SCHIP1: variants seen among roughly 807,000 people sequenced by gnomAD.
SCHIP1 encodes the protein schwannomin interacting protein 1, also known as schwannomin-interacting protein 1.
In SCHIP1, 8 loss-of-function variants were observed where a neutral mutation model predicts 29.7. The ratio of observed to expected loss-of-function variants is 0.27; its 90% CI spans 0.16 to 0.49. SCHIP1 has a LOEUF of 0.49. Among genes scored for constraint, SCHIP1 ranks in the 20% least tolerant of loss-of-function variants. The pLI, the probability that SCHIP1 is intolerant of heterozygous loss-of-function variation, is 0.99. For synonymous variants in SCHIP1, 76 were observed against 94.9 expected (o/e 0.80, Z 1.16); for missense variants, 193 against 294.6 (o/e 0.66, Z 2.52).
chr3:159,512,341 A>C, the SCHIP1 span, among the ~76,000 whole-genome samples: 1 of 152,208 alleles, frequency 6.6e-6, no homozygotes, highest in Non-Finnish European at 1.5e-5. Flanking sequence ...GAATTGCTAT[A>C]GGTAATATAA....
the SCHIP1 span, among the ~76,000 whole-genome samples, chr3:159,726,250 G>A: frequency 3.3e-5 from 5 of 152,288 alleles, no homozygotes; most frequent in Non-Finnish European, 7.4e-5. Context: ...TCAACTGTTA[G>A]TAGGACGGCT....
the SCHIP1 span, chr3:159,722,118 G>A: frequency 3.4e-6 from 1 of 298,252 alleles, no homozygotes; most frequent in South Asian, 3.8e-5. Flanking sequence ...TTTTATCTTT[G>A]TCCCTTTTGT....
At chr3:159,321,364 C>T in the SCHIP1 span, among the ~76,000 whole-genome samples, 1 of 152,182 alleles carries the variant, frequency 6.6e-6, no homozygotes, top group South Asian at 2.1e-4. Flanking sequence ...AAAATCTCTG[C>T]ATTTCAGCTG....
the SCHIP1 span, among the ~76,000 whole-genome samples, chr3:159,650,618 G>C: frequency 6.6e-6 from 1 of 152,126 alleles, no homozygotes; most frequent in African/African-American, 2.4e-5. Flanking sequence ...AAAGTGCAAA[G>C]TGCTAGTGCA....
intron 1 of SCHIP1, among the ~76,000 whole-genome samples, chr3:159,858,528 A>G (rs1258933866): frequency 6.6e-6 from 1 of 152,204 alleles, no homozygotes; most frequent in Admixed American, 6.5e-5. Flanking sequence ...GCTTCTGTTT[A>G]TGTCACTTCC....
chr3:159,297,593 T>C, the SCHIP1 span, among the ~76,000 whole-genome samples: 1 of 152,030 alleles, frequency 6.6e-6, no homozygotes, highest in Non-Finnish European at 1.5e-5. Flanking sequence ...GCAATGATGA[T>C]GGTAAAATGT....
At chr3:159,668,998 CT>C in the SCHIP1 span, among the ~76,000 whole-genome samples, 1 of 152,142 alleles carries the variant, frequency 6.6e-6, no homozygotes, top group East Asian at 1.9e-4. Flanking sequence ...CCCTTTTCCC[CT>C]AGTGCTCCCA....
the SCHIP1 span, among the ~76,000 whole-genome samples, chr3:159,539,879 AGAAAT>A: frequency 6.6e-6 from 1 of 151,702 alleles, no homozygotes; most frequent in African/African-American, 2.4e-5. Flanking sequence ...TGGACACTAA[AGAAAT>A]AAAGAGATGA....
chr3:159,373,296 C>T, the SCHIP1 span, among the ~76,000 whole-genome samples: 1 of 150,810 alleles, frequency 6.6e-6, no homozygotes. Context: ...ACAGTTAATA[C>T]CAATTATACT....
chr3:159,691,708 A>G, the SCHIP1 span, among the ~76,000 whole-genome samples: 2 of 151,978 alleles, frequency 1.3e-5, no homozygotes, highest in Non-Finnish European at 2.9e-5. Flanking sequence ...TGGTCTTTAC[A>G]TTTTGGTTTG....
At chr3:159,750,296 T>TATACATATACAC in the SCHIP1 span, among the ~76,000 whole-genome samples, 4 of 132,744 alleles carry the variant, frequency 3.0e-5, no homozygotes, top group African/African-American at 1.2e-4. Context: ...TATATATATA[T>TATACATATACAC]ACACACACAC....
At chr3:159,294,791 A>T in the SCHIP1 span, among the ~76,000 whole-genome samples, 1 of 152,154 alleles carries the variant, frequency 6.6e-6, no homozygotes, top group South Asian at 2.1e-4. Context: ...TTAGAGTCTT[A>T]AACTACATTG....
At chr3:159,680,346 TA>T in the SCHIP1 span, among the ~76,000 whole-genome samples, 2 of 149,986 alleles carry the variant, frequency 1.3e-5, no homozygotes, top group Non-Finnish European at 2.9e-5. Flanking sequence ...TCGTCTCTAC[TA>T]AAAATACAAA....
chr3:159,373,674 T>C, the SCHIP1 span, among the ~76,000 whole-genome samples: 1,221 of 152,260 alleles, frequency 8.0e-3, 17 homozygotes, highest in African/African-American at 0.028. Flanking sequence ...TTTGTCTTTC[T>C]GTGGCTTATT....
chr3:159,783,039 G>T, the SCHIP1 span, among the ~76,000 whole-genome samples: 21 of 152,168 alleles, frequency 1.4e-4, no homozygotes, highest in Admixed American at 6.5e-5. Context: ...CAAGCTACAG[G>T]GAAATCCACT....
chr3:159,828,317 T>C, the SCHIP1 span, among the ~76,000 whole-genome samples: 1 of 148,874 alleles, frequency 6.7e-6, no homozygotes, highest in Non-Finnish European at 1.5e-5. Flanking sequence ...CCATCAAAGA[T>C]GGCCTAGATT....
chr3:159,750,468 C>G, the SCHIP1 span, among the ~76,000 whole-genome samples: 1 of 151,642 alleles, frequency 6.6e-6, no homozygotes, highest in East Asian at 1.9e-4. Context: ...ACAAGCAGAT[C>G]CTGAGATGGG....
At chr3:159,828,313 A>G in the SCHIP1 span, among the ~76,000 whole-genome samples, 2 of 149,064 alleles carry the variant, frequency 1.3e-5, no homozygotes, top group East Asian at 3.9e-4. Context: ...AGAACCATCA[A>G]AGATGGCCTA....
chr3:159,441,479 C>T, the SCHIP1 span, among the ~76,000 whole-genome samples: 3 of 151,560 alleles, frequency 2.0e-5, no homozygotes, highest in Non-Finnish European at 2.9e-5. Context: ...TTTTTTTTGG[C>T]GGGGTGACAG....
Sources: allele counts gnomAD v4.1 joint callset (sites outside exome capture counted in the v4.1 genomes callset), GRCh38; gene constraint gnomAD v4.1.1; transcripts MANE v1.5; gene names NCBI Gene and HGNC (gene_info 2026-07-23, HGNC 2026-07-21).